Variants in CDH13 observed in about 807,000 individuals in gnomAD.
CDH13 encodes cadherin 13, also known as cadherin-13.
CDH13 carries 24 observed loss-of-function variants against 63.8 expected under a neutral mutation model. That is an observed-to-expected ratio of 0.38 (90% confidence interval 0.27 to 0.53). The LOEUF (loss-of-function observed/expected upper bound fraction) is 0.53, where lower values mean the gene tolerates loss of function less well. Ranked by LOEUF, CDH13 falls within the 20% of genes least tolerant of loss-of-function variation. The probability of loss-of-function intolerance (pLI) is 0.85; values close to 1 mark genes in which losing one functional copy is unlikely to be tolerated. For missense variants in CDH13, 1,049 were observed against 903.1 expected (o/e 1.16, Z -2.07); for synonymous variants, 503 against 355.3 (o/e 1.42, Z -4.67).
intron 6 of CDH13, among the ~76,000 whole-genome samples, chr16:83,425,008 A>G (rs2071844844): frequency 6.6e-6 from 1 of 152,236 alleles, no homozygotes; most frequent in Non-Finnish European, 1.5e-5. Context: ...GTAATGGGAA[A>G]TTAAATCCAC....
chr16:83,385,361 C>T (rs1265520427), intron 6 of CDH13, among the ~76,000 whole-genome samples: 1 of 152,116 alleles, frequency 6.6e-6, no homozygotes, highest in East Asian at 1.9e-4. Context: ...AATGAATCTC[C>T]CAGCAGAGTA....
At chr16:82,964,039 G>C (rs1015858813) in intron 2 of CDH13, among the ~76,000 whole-genome samples, 1 of 152,232 alleles carries the variant, frequency 6.6e-6, no homozygotes, top group Middle Eastern at 3.4e-3. Flanking sequence ...CTCCCGAGTC[G>C]CTTTGTGTGC....
At chr16:83,557,877 G>A (rs2075633915) in intron 7 of CDH13, among the ~76,000 whole-genome samples, 1 of 152,124 alleles carries the variant, frequency 6.6e-6, no homozygotes, top group Non-Finnish European at 1.5e-5. Context: ...TTGAGTGACA[G>A]AGTCTTCCAG....
intron 10 of CDH13, among the ~76,000 whole-genome samples, chr16:83,715,825 G>T (rs1198951148): frequency 2.6e-5 from 4 of 152,174 alleles, no homozygotes; most frequent in African/African-American, 4.8e-5. Context: ...TGTGACAAGG[G>T]TGGAGTCATA....
intron 2 of CDH13, among the ~76,000 whole-genome samples, chr16:82,928,650 G>T (rs144886063): frequency 2.1e-4 from 32 of 152,356 alleles, no homozygotes; most frequent in African/African-American, 7.5e-4. Flanking sequence ...CAAGGTAAGA[G>T]TTGTGTAGGC....
At chr16:83,516,033 G>A (rs147279078) in intron 7 of CDH13, among the ~76,000 whole-genome samples, 1 of 152,072 alleles carries the variant, frequency 6.6e-6, no homozygotes, top group Non-Finnish European at 1.5e-5. Context: ...TTCAAACATT[G>A]TTCCTCGTGA....
rs531777798 is a variant in CDH13, at chr16:82,855,316, C to G, written c.46-3046C>G. Among the ~76,000 whole-genome samples the G allele has an allele frequency of 9.5e-4, 144 of 152,302 alleles. 4 individuals are homozygous for G. The South Asian group carries it at 0.029, about 30-fold the overall frequency. On this transcript the variant is annotated intron_variant, in intron 1 of 13. Coordinates refer to ENST00000567109, the MANE Select transcript of CDH13 (RefSeq NM_001257.5). Reference sequence around the variant, plus strand: ...AGCTCACCTGCAGAGTGCTGTTTCTCATCACTAACTGTGGTTTCTCTCAGT... The same window carrying G: ...AGCTCACCTGCAGAGTGCTGTTTCTGATCACTAACTGTGGTTTCTCTCAGT...
chr16:82,858,842 A>G (rs1004381338), intron 2 of CDH13: 8 of 306,544 alleles, frequency 2.6e-5, no homozygotes, highest in African/African-American at 1.7e-4. Flanking sequence ...TTCTACCTGT[A>G]GTTTCTCATA....
At chr16:83,001,565 T>A (rs574462190) in intron 2 of CDH13, among the ~76,000 whole-genome samples, 39 of 152,278 alleles carry the variant, frequency 2.6e-4, no homozygotes, top group African/African-American at 9.1e-4. Context: ...AAAAGAGAAA[T>A]TGACTGGGAG....
At chr16:83,778,215 A>G (rs1182961682) in intron 11 of CDH13, among the ~76,000 whole-genome samples, 1 of 152,254 alleles carries the variant, frequency 6.6e-6, no homozygotes, top group Non-Finnish European at 1.5e-5. Context: ...TTTTATTAAC[A>G]TTGTTTAATG....
intron 5 of CDH13, among the ~76,000 whole-genome samples, chr16:83,239,654 C>G (rs1904300711): frequency 6.6e-6 from 1 of 152,204 alleles, no homozygotes; most frequent in African/African-American, 2.4e-5. Flanking sequence ...CTAAATCTGT[C>G]TTTTCCACTT....
chr16:83,010,157 A>AAAAAAAAAAC (rs1349143732), intron 2 of CDH13, among the ~76,000 whole-genome samples: 1 of 147,828 alleles, frequency 6.8e-6, no homozygotes, highest in Non-Finnish European at 1.5e-5. Context: ...AAAAAAAAAA[A>AAAAAAAAAAC]AAAAACAAGA....
intron 3 of CDH13, among the ~76,000 whole-genome samples, chr16:83,088,646 T>A (rs1364573318): frequency 6.6e-6 from 1 of 152,230 alleles, no homozygotes; most frequent in Non-Finnish European, 1.5e-5. Context: ...ATTTACATTC[T>A]TCATATAATC....
At chr16:83,268,551 G>A (rs1411604221) in intron 5 of CDH13, among the ~76,000 whole-genome samples, 1 of 152,144 alleles carries the variant, frequency 6.6e-6, no homozygotes, top group Non-Finnish European at 1.5e-5. Context: ...CATGTTTAAG[G>A]ATATATAAAT....
At chr16:82,880,247 C>G (rs1231122429) in intron 2 of CDH13, among the ~76,000 whole-genome samples, 1 of 152,052 alleles carries the variant, frequency 6.6e-6, no homozygotes, top group Non-Finnish European at 1.5e-5. Context: ...GCTTCTCCCA[C>G]CTGAACAAAT....
At chr16:83,355,586 G>A (rs2091035841) in intron 6 of CDH13, among the ~76,000 whole-genome samples, 1 of 152,148 alleles carries the variant, frequency 6.6e-6, no homozygotes, top group Non-Finnish European at 1.5e-5. Flanking sequence ...TTAAATAAAT[G>A]GTTGTATTTA....
intron 1 of CDH13, among the ~76,000 whole-genome samples, chr16:82,807,435 A>T (rs2037202407): frequency 1.3e-5 from 2 of 152,214 alleles, no homozygotes; most frequent in Non-Finnish European, 2.9e-5. Context: ...TAGCAGGGTT[A>T]GAACAATAGA....
intron 2 of CDH13, among the ~76,000 whole-genome samples, chr16:83,024,682 A>T (rs1487037457): frequency 6.6e-6 from 1 of 152,206 alleles, no homozygotes; most frequent in Non-Finnish European, 1.5e-5. Flanking sequence ...CATTAGTGTA[A>T]AGCTCACAGT....
chr16:82,891,657 C>T lies in CDH13; in HGVS notation c.157+33184C>T, dbSNP rs146788571. Among the ~76,000 whole-genome samples the T allele has an allele frequency of 5.7e-3, 874 of 152,198 alleles. 8 individuals are homozygous for T. The highest frequency in any genetic ancestry group is 0.015 in the African/African-American group (634 of 41,546). ...GTGTGACAGAGAGCTGTCTGTATTG[C>T]GGCTGTAAATGCCAGTGACCATGGC... On this transcript the variant is annotated intron_variant, in intron 2 of 13. Coordinates refer to ENST00000567109, the MANE Select transcript of CDH13 (RefSeq NM_001257.5).
Sources: gnomAD v4.1 joint callset for allele counts (sites outside exome capture counted in the v4.1 genomes callset) on GRCh38, gnomAD v4.1.1 for gene constraint, MANE v1.5 for transcripts, NCBI Gene and HGNC (gene_info 2026-07-23, HGNC 2026-07-21) for gene names.